GLB1L2: variants seen among roughly 807,000 people sequenced by gnomAD.
The protein encoded by GLB1L2 is beta-galactosidase-1-like protein 2.
A neutral mutation model predicts 84.1 loss-of-function variants in GLB1L2; 68 were observed. That is an observed-to-expected ratio of 0.81 (90% CI 0.67 to 0.99). GLB1L2 has a LOEUF of 0.99. Among genes scored for constraint, GLB1L2 ranks in the 50% least tolerant of loss-of-function variants. The pLI, the probability that GLB1L2 is intolerant of heterozygous loss-of-function variation, is 0.00. For missense variants in GLB1L2, 762 were observed against 805.6 expected (o/e 0.95, Z 0.66); for synonymous variants, 290 against 318.0 (o/e 0.91, Z 0.94).
rs745627447 is a variant in GLB1L2, at chr11:134,374,136, T to G, written c.1596-9T>G. 45 of 1,598,352 alleles carry G rather than the reference T, an allele frequency of 2.8e-5. No individual in the cohort carries two copies. The highest frequency in any genetic ancestry group is 2.5e-5 in the Non-Finnish European group (29 of 1,165,814). On this transcript the variant is annotated splice_polypyrimidine_tract_variant and intron_variant, in intron 16 of 18. Coordinates refer to ENST00000535456, the MANE Select transcript of GLB1L2 (RefSeq NM_001370461.1). ...CTCCTCCCTCTCCTTCTCTGTGTTC[T>G]GTCCTTAGGTTCGGCCTGGACAAAT...
chr11:134,332,135 T>C lies in GLB1L2; in HGVS notation c.74T>C (p.Leu25Pro), dbSNP rs1943305180. The C allele has an allele frequency of 1.3e-6, 2 of 1,578,988 alleles. No individual in the cohort carries two copies. The highest frequency in any genetic ancestry group is 1.4e-5 in the African/African-American group (1 of 73,054). ...CTGCTGCTGGTCGTCTTGGGCTTCC[T>C]GGTGCTCCGCAGGTGAGAGAGAGCT... Reference protein sequence around the residue: ...GLLLLVVLGFLVLRRLDWSTL... With the variant: ...GLLLLVVLGFPVLRRLDWSTL... Residue 25 changes from leucine (L) to proline (P), a missense_variant, in exon 1 of 19, where the codon CTG becomes CCG. Physicochemically the swap from Leu to Pro is moderately conservative, Grantham distance 98. Coordinates refer to ENST00000535456, the MANE Select transcript of GLB1L2 (RefSeq NM_001370461.1).
chr11:134,342,681 T>C (rs1943484729), intron 1 of GLB1L2, 73 bp from the exon 2 acceptor site: 1 of 1,445,784 alleles, frequency 6.9e-7, no homozygotes, highest in Non-Finnish European at 9.4e-7. Flanking sequence ...GCCGAGGACC[T>C]GCGAAGGGGC....
intron 8 of GLB1L2, chr11:134,366,963 A>AC: frequency 2.4e-6 from 1 of 414,340 alleles, no homozygotes; most frequent in Non-Finnish European, 4.5e-6. Context: ...TTGATCCTGG[A>AC]CCAGTGTCTT....
chr11:134,365,815 C>T (rs1012772515), intron 8 of GLB1L2, among the ~76,000 whole-genome samples: 13 of 152,150 alleles, frequency 8.5e-5, no homozygotes, highest in African/African-American at 2.4e-4. Flanking sequence ...GAATGCACAG[C>T]ACAGGCCTCC....
chr11:134,374,339 G>A (rs997296752), intron 17 of GLB1L2, 83 bp downstream of exon 17: 7 of 1,158,958 alleles, frequency 6.0e-6, no homozygotes, highest in East Asian at 2.3e-5. Context: ...CGAGCTTGGC[G>A]AGAGTCGTTG....
At chr11:134,367,125 C>T (rs1943876046) in intron 8 of GLB1L2, 132 bp from the exon 9 acceptor site, 1 of 815,640 alleles carries the variant, frequency 1.2e-6, no homozygotes, top group Non-Finnish European at 2.1e-6. Flanking sequence ...CCTCCAAAGA[C>T]CTCTAAGGCA....
intron 15 of GLB1L2, 140 bp downstream of exon 15, chr11:134,371,970 A>G: frequency 1.3e-6 from 1 of 741,750 alleles, no homozygotes; most frequent in Non-Finnish European, 2.3e-6. Flanking sequence ...ACATGAGGCC[A>G]GTTCTGAGTG....
intron 6 of GLB1L2, among the ~76,000 whole-genome samples, chr11:134,358,048 G>A (rs1257332686): frequency 6.6e-6 from 1 of 152,206 alleles, no homozygotes; most frequent in East Asian, 1.9e-4. Flanking sequence ...TCCTGTGCCT[G>A]AGACCAGAGC....
chr11:134,362,239 A>G (rs1463251177), intron 7 of GLB1L2, among the ~76,000 whole-genome samples: 1 of 151,844 alleles, frequency 6.6e-6, no homozygotes, highest in Non-Finnish European at 1.5e-5. Flanking sequence ...TTCTCATAGC[A>G]TACTTTAGAA....
At chr11:134,348,987 G>A (rs1943588925) in intron 5 of GLB1L2, among the ~76,000 whole-genome samples, 2 of 152,140 alleles carry the variant, frequency 1.3e-5, no homozygotes, top group African/African-American at 4.8e-5. Flanking sequence ...TCTGAATACC[G>A]TCACAGTGGG....
rs1228501565 is a variant in GLB1L2 at position 134,332,225 on chromosome 11, G to T, written c.86+78G>T. On this transcript the variant is annotated intron_variant, in intron 1 of 18. Transcript: ENST00000535456. ...CGCACCTCGGGTTCTCTCCTCCCGC[G>T]ACCCGCGAATCCCGAGTTCCCGGGG... The T allele has an allele frequency of 7.6e-6, 8 of 1,052,982 alleles. No homozygotes were observed. In the Admixed American group the frequency reaches 1.8e-4, roughly 23 times the overall value. The allele number at this position is 1,052,982 out of a possible 1,614,324, so 65.2% of individuals were successfully genotyped here. A position where few individuals can be genotyped will look rare whatever the true frequency, so the allele number is the denominator to read the frequency against.
chr11:134,368,245 A>G (rs1163463194), intron 9 of GLB1L2, among the ~76,000 whole-genome samples: 1 of 152,190 alleles, frequency 6.6e-6, no homozygotes, highest in Non-Finnish European at 1.5e-5. Context: ...TCATTTCCTA[A>G]CAAAGGTAGA....
chr11:134,357,671 G>C (rs1284228409), intron 6 of GLB1L2, among the ~76,000 whole-genome samples: 1 of 152,234 alleles, frequency 6.6e-6, no homozygotes, highest in Non-Finnish European at 1.5e-5. Context: ...ATGCTTCCCT[G>C]GTGTCGGGGC....
intron 10 of GLB1L2, among the ~76,000 whole-genome samples, 157 bp downstream of exon 10, chr11:134,368,938 C>T (rs1398799968): frequency 1.3e-5 from 2 of 152,180 alleles, no homozygotes; most frequent in Non-Finnish European, 1.5e-5. Flanking sequence ...ATGTTACACT[C>T]CCAGAGGAGG....
Position 134,332,109 on chromosome 11 carries a change from C to T in GLB1L2, c.48C>T (p.Leu16=), listed in dbSNP as rs919253464. The T allele has an allele frequency of 2.5e-6, 4 of 1,591,408 alleles. No individual in the cohort carries two copies. The African/African-American group carries it at 5.4e-5, about 22-fold the overall frequency. ...GGAGGCCGGCCCGCACGCTGGGACTCCTGCTGCTGGTCGTCTTGGGCTTCC... is the reference window on the plus strand; with the variant it reads ...GGAGGCCGGCCCGCACGCTGGGACTTCTGCTGCTGGTCGTCTTGGGCTTCC... ...LRRRPARTLG[L]LLLVVLGFLV... Residue 16 remains leucine (L), a synonymous_variant, in exon 1 of 19, where the codon CTC becomes CTT. Transcript: ENST00000535456.
rs974925042 is a variant in GLB1L2, at chr11:134,338,743, C to T, written c.87-4011C>T. On this transcript the variant is annotated intron_variant, in intron 1 of 18. Coordinates refer to ENST00000535456, the MANE Select transcript of GLB1L2 (RefSeq NM_001370461.1). This position sits in a 1 kb window ranked among gnomAD's most constrained non-coding sequence, Gnocchi z 6.2. ...GCCTTCAGCACGAATAGTGCATGCCCCTTTTCCACTTGCCAAAAGGGAACT... is the reference window on the plus strand; with the variant it reads ...GCCTTCAGCACGAATAGTGCATGCCTCTTTTCCACTTGCCAAAAGGGAACT... Among the ~76,000 whole-genome samples the T allele has an allele frequency of 3.3e-5, 5 of 152,184 alleles. No individual in the cohort carries two copies. Among genetic ancestry groups the T allele is most frequent in the Admixed American group, 1.3e-4 (2 of 15,278 alleles).
At chr11:134,362,724 A>G (rs1943812920) in intron 7 of GLB1L2, among the ~76,000 whole-genome samples, 1 of 152,220 alleles carries the variant, frequency 6.6e-6, no homozygotes, top group African/African-American at 2.4e-5. Context: ...CTCCCGCAGC[A>G]GCTCGGGCCC....
In GLB1L2 at chr11:134,357,744, C is replaced by T. The variant is rs371976959; in HGVS notation, c.652-1316C>T. The stretch of plus-strand genomic sequence containing the variant: ...GCAGCAGCGTCCAGCCTCTGTGGTC[C>T]GGAAGCTCTTGGGAGAATTCACCAG... On this transcript the variant is annotated intron_variant, in intron 6 of 18. Transcript: ENST00000535456. Among the ~76,000 whole-genome samples, 31 of 152,336 alleles carry T rather than the reference C, an allele frequency of 2.0e-4. 1 individual carries two copies. Among genetic ancestry groups the T allele is most frequent in the African/African-American group, 5.3e-4 (22 of 41,584 alleles).
At chr11:134,333,539 C>G (rs551658556) in intron 1 of GLB1L2, among the ~76,000 whole-genome samples, 7 of 152,294 alleles carry the variant, frequency 4.6e-5, no homozygotes, top group African/African-American at 1.7e-4. Flanking sequence ...GTGCAGGGGA[C>G]CCAGGCAGGT....
Sources: allele counts gnomAD v4.1 joint callset (sites outside exome capture counted in the v4.1 genomes callset), GRCh38; gene constraint gnomAD v4.1.1; non-coding constraint Gnocchi (gnomAD v3.1); transcripts MANE v1.5; gene names NCBI Gene and HGNC (gene_info 2026-07-23, HGNC 2026-07-21).